Variants in JRK observed in about 807,000 individuals in gnomAD.
JRK encodes the protein jerky protein homolog.
For synonymous variants in JRK, 303 were observed against 218.1 expected (o/e 1.39, Z -3.43); for missense variants, 720 against 509.2 (o/e 1.41, Z -3.98).
downstream of JRK, among the ~76,000 whole-genome samples, chr8:142,653,315 TTTTCAAC>T (rs1356348136): frequency 1.3e-5 from 2 of 152,142 alleles, no homozygotes; most frequent in African/African-American, 4.8e-5. Flanking sequence ...GGTTACAAGA[TTTTCAAC>T]TTCCCCAATT....
rs781888576 is a variant in JRK at position 142,665,694 on chromosome 8, T to C, written c.365A>G (p.Gln122Arg). ...CACGCAGGGCTCAGTGAGCTGCATC[T>C]GCTCGTAGAAGTCCTTGGCCTTCTC... ...LIEKAKDFYEQMQLTEPCVFS... is the reference protein window; with the variant it reads ...LIEKAKDFYERMQLTEPCVFS... Residue 122 changes from glutamine (Q) to arginine (R), a missense_variant, in exon 2 of 2, where the codon CAG (glutamine) becomes CGG (arginine). Transcript: ENST00000612905. The C allele has an allele frequency of 1.3e-5, 10 of 741,198 alleles. No homozygotes were observed. The highest frequency in any genetic ancestry group is 2.3e-5 in the Non-Finnish European group (9 of 397,890). 45.9% of individuals were successfully genotyped at this position (741,198 alleles called of 1,614,324 possible).
rs150398750 is a variant in JRK at position 142,658,710 on chromosome 8, TG to T, written c.*5641del. The T allele has an allele frequency of 2.0e-5, 28 of 1,379,072 alleles. No individual in the cohort carries two copies. Among genetic ancestry groups the T allele is most frequent in the African/African-American group, 8.8e-5 (6 of 68,552 alleles). The allele number at this position is 1,379,072 out of a possible 1,614,324, so 85.4% of individuals were successfully genotyped here. Reference sequence around the variant, plus strand: ...GGTCAGGGTTTCAACATATAAACTTTGGGGGGGGACACAAACATGCAGTCCT... The same window carrying T: ...GGTCAGGGTTTCAACATATAAACTTTGGGGGGGACACAAACATGCAGTCCT... On this transcript the variant is annotated 3_prime_UTR_variant, in exon 2 of 2. Coordinates refer to ENST00000612905, the MANE Select transcript of JRK (RefSeq NM_003724.4).
rs372506711 is a variant in JRK at position 142,665,376 on chromosome 8, T to C, written c.683A>G (p.His228Arg). ...CCCGATGGCCAAGGGCTTGAGCCTG[T>C]GGGAGCCCGTGGCGTTGGCACACAT... The part of the protein sequence containing the change: ...VLMCANATGS[H>R]RLKPLAIGKC... The change falls in exon 2 of 2, where the codon CAC (histidine) becomes CGC (arginine). Residue 228 changes from histidine (H) to arginine (R), a missense_variant. Transcript: ENST00000612905. 1 of 717,474 alleles carries C rather than the reference T, an allele frequency of 1.4e-6. No individual in the cohort carries two copies. The highest frequency in any genetic ancestry group is 1.7e-5 in the African/African-American group (1 of 57,258). 44.4% of individuals were successfully genotyped at this position (717,474 alleles called of 1,614,324 possible).
downstream of JRK, among the ~76,000 whole-genome samples, chr8:142,653,704 G>A (rs1160647473): frequency 6.6e-6 from 1 of 152,102 alleles, no homozygotes; most frequent in Non-Finnish European, 1.5e-5. Context: ...ACACCAGATG[G>A]CTCTACCGGG....
chr8:142,665,741 G>C lies in JRK; in HGVS notation c.318C>G (p.Pro106=), dbSNP rs374667944. The change falls in exon 2 of 2, where the codon CCC becomes CCG. Residue 106 remains proline, a synonymous_variant. Transcript: ENST00000612905. The part of the protein sequence containing the change: ...WFLGKRSEGV[P]VSGPMLIEKA... ...TCTCGATGAGCATGGGGCCTGACAC[G>C]GGGACGCCCTCGGAGCGCTTCCCCA... is the stretch of plus-strand genomic sequence containing the variant. 2.6e-6 allele frequency: 2 copies of C among 772,684 alleles called. No individual in the cohort carries two copies. Among genetic ancestry groups the C allele is most frequent in the Admixed American group, 1.7e-5 (1 of 58,284 alleles). The allele number at this position is 772,684 out of a possible 1,614,324, so 47.9% of individuals were successfully genotyped here. A position where few individuals can be genotyped will look rare whatever the true frequency, so the allele number is the denominator to read the frequency against.
chr8:142,654,428 C>T (rs1421808040), downstream of JRK, among the ~76,000 whole-genome samples: 1 of 152,084 alleles, frequency 6.6e-6, no homozygotes, highest in East Asian at 1.9e-4. Context: ...AAGGGTCCAG[C>T]CTGATTCTGC....
the JRK span, among the ~76,000 whole-genome samples, chr8:142,646,185 A>C: frequency 6.6e-6 from 1 of 152,244 alleles, no homozygotes; most frequent in African/African-American, 2.4e-5. Context: ...CATCATTTAA[A>C]GTTACAGAAC....
At position 142,663,295 on chromosome 8, in the gene JRK, A is replaced by G. The variant is rs1262893607; in HGVS notation, c.*1057T>C. 3 of 985,356 alleles carry G rather than the reference A, an allele frequency of 3.0e-6. No homozygotes were observed. The highest frequency in any genetic ancestry group is 1.7e-5 in the African/African-American group (1 of 57,248). 61.0% of individuals were successfully genotyped at this position (985,356 alleles called of 1,614,324 possible). ...GAGATGCCGCAAAGCAACTACAGACATGGAGAAAATAACCACATCCTCTTA... is the reference window on the plus strand; with the variant it reads ...GAGATGCCGCAAAGCAACTACAGACGTGGAGAAAATAACCACATCCTCTTA... On this transcript the variant is annotated 3_prime_UTR_variant, in exon 2 of 2. Coordinates refer to ENST00000612905, the MANE Select transcript of JRK (RefSeq NM_003724.4).
downstream of JRK, among the ~76,000 whole-genome samples, chr8:142,653,712 G>A (rs1380096601): frequency 1.3e-5 from 2 of 152,054 alleles, no homozygotes; most frequent in African/African-American, 2.4e-5. Context: ...TGGCTCTACC[G>A]GGACCAGCAG....
chr8:142,665,850 T>A lies in JRK; in HGVS notation c.209A>T (p.Asp70Val). ...AQLLRFFASS[D>V]SNKALEQRRT... ...CCGCTGCTCCAGCGCCTTGTTGGAG[T>A]CGGAGCTGGCGAAGAACCGGAGCAG... The change falls in exon 2 of 2, where the codon GAC (aspartate) becomes GTC (valine). Residue 70 changes from aspartate (D) to valine (V), a missense_variant. Physicochemically the swap from Asp to Val is radical, Grantham distance 152 (BLOSUM62 -3). Transcript: ENST00000612905. 1.3e-6 allele frequency: 1 copy of A among 779,960 alleles called. No individual in the cohort carries two copies. The highest frequency in any genetic ancestry group is 2.4e-6 in the Non-Finnish European group (1 of 418,378). 48.3% of individuals were successfully genotyped at this position (779,960 alleles called of 1,614,324 possible).
chr8:142,655,928 C>T (rs1469709509), downstream of JRK, among the ~76,000 whole-genome samples: 1 of 152,226 alleles, frequency 6.6e-6, no homozygotes, highest in Non-Finnish European at 1.5e-5. Flanking sequence ...TGGATCTGCG[C>T]TAATTCTACC....
At chr8:142,669,575 C>T (rs1205731130) in intron 1 of JRK, among the ~76,000 whole-genome samples, 4 of 152,160 alleles carry the variant, frequency 2.6e-5, no homozygotes, top group African/African-American at 9.7e-5. Context: ...GGCAAGCGGA[C>T]CTCGTGACCA....
At chr8:142,655,544 G>C (rs782515220), downstream of JRK, among the ~76,000 whole-genome samples, 109 of 152,280 alleles carry the variant, frequency 7.2e-4, 1 homozygote, top group South Asian at 3.1e-3. Context: ...GGGAATCACA[G>C]GCAACAGGCA....
In JRK at chr8:142,666,195, T is replaced by C. The variant is rs1417492505; in HGVS notation, c.-137A>G. On this transcript the variant is annotated 5_prime_UTR_variant, in exon 2 of 2. Coordinates refer to ENST00000612905, the MANE Select transcript of JRK (RefSeq NM_003724.4). The stretch of plus-strand genomic sequence containing the variant: ...CTCTGCCTGCCTGCTCTGCTGATCC[T>C]GAGCACAGGCCCCAGTCCCTCTCGG... 6.9e-7 allele frequency: 1 copy of C among 1,444,818 alleles called. No homozygotes were observed. Among genetic ancestry groups the C allele is most frequent in the Non-Finnish European group, 9.5e-7 (1 of 1,057,592 alleles). The allele number at this position is 1,444,818 out of a possible 1,614,324, so 89.5% of individuals were successfully genotyped here. A position where few individuals can be genotyped will look rare whatever the true frequency, so the allele number is the denominator to read the frequency against.
At chr8:142,656,406 GCT>G (rs1215005123), downstream of JRK, among the ~76,000 whole-genome samples, 2 of 152,126 alleles carry the variant, frequency 1.3e-5, no homozygotes, top group African/African-American at 2.4e-5. Flanking sequence ...GTGTTGCAAA[GCT>G]CTTTGTTGTT....
the JRK span, among the ~76,000 whole-genome samples, chr8:142,647,779 T>C: frequency 6.6e-6 from 1 of 152,082 alleles, no homozygotes; most frequent in Non-Finnish European, 1.5e-5. Context: ...TACCTGAAAA[T>C]GTGGAAGCAA....
At chr8:142,650,822 A>T in the JRK span, among the ~76,000 whole-genome samples, 1 of 152,220 alleles carries the variant, frequency 6.6e-6, no homozygotes, top group Non-Finnish European at 1.5e-5. Context: ...AAACAAGGGT[A>T]GTCTCTGTTG....
the JRK span, among the ~76,000 whole-genome samples, chr8:142,652,161 C>T: frequency 0.55 from 83,536 of 151,998 alleles, 24,267 homozygotes; most frequent in Admixed American, 0.67. Context: ...GTACTAAGCA[C>T]TCATAGGAGA....
downstream of JRK, among the ~76,000 whole-genome samples, chr8:142,657,267 G>A (rs1846772663): frequency 1.3e-5 from 2 of 152,130 alleles, no homozygotes; most frequent in African/African-American, 4.8e-5. Flanking sequence ...CATATGACTG[G>A]GACCTGGCTC....
Sources: allele counts gnomAD v4.1 joint callset (sites outside exome capture counted in the v4.1 genomes callset), GRCh38; gene constraint gnomAD v4.1.1; transcripts MANE v1.5; gene names NCBI Gene and HGNC (gene_info 2026-07-23, HGNC 2026-07-21).